The following DNAH3 variants were observed in gnomAD, a reference collection of about 807,000 sequenced individuals.
DNAH3 encodes dynein axonemal heavy chain 3.
Under a neutral mutation model 432.5 loss-of-function variants are expected in DNAH3, and 332 were observed. The ratio of observed to expected loss-of-function variants is 0.77; its 90% CI spans 0.70 to 0.84. The LOEUF (loss-of-function observed/expected upper bound fraction) is 0.84. Ranked by LOEUF, DNAH3 falls within the 40% of genes least tolerant of loss-of-function variation. The pLI is 0.00. For missense variants in DNAH3, 4,861 were observed against 5,114.0 expected, an observed-to-expected ratio of 0.95 and a Z score of 1.51; for synonymous variants, 1,956 against 1,900.2, an observed-to-expected ratio of 1.03 and a Z score of -0.76.
intron 22 of DNAH3, among the ~76,000 whole-genome samples, chr16:21,070,484 T>C (rs990879566): frequency 6.6e-6 from 1 of 152,124 alleles, no homozygotes; most frequent in Non-Finnish European, 1.5e-5. Flanking sequence ...AGTTTCACCA[T>C]GTTGGCCAGG....
intron 12 of DNAH3, among the ~76,000 whole-genome samples, chr16:21,116,210 C>T (rs2092195641): frequency 6.6e-6 from 1 of 152,034 alleles, no homozygotes; most frequent in Non-Finnish European, 1.5e-5. Flanking sequence ...ACTTTGGAAG[C>T]TATTTACAGG....
intron 23 of DNAH3, among the ~76,000 whole-genome samples, chr16:21,067,804 T>TGAGAGAGAGAGAGAGAGAGAGAGA (rs1555545880): frequency 4.0e-5 from 3 of 75,658 alleles, no homozygotes; most frequent in African/African-American, 1.0e-4. Flanking sequence ...AGAGAGAGAC[T>TGAGAGAGAGAGAGAGAGAGAGAGA]GACTAAGGCA....
At chr16:21,090,674 C>T (rs951463774) in intron 18 of DNAH3, among the ~76,000 whole-genome samples, 1 of 152,050 alleles carries the variant, frequency 6.6e-6, no homozygotes, top group Non-Finnish European at 1.5e-5. Flanking sequence ...TCACTATTTG[C>T]AGAATCTAAA....
chr16:21,052,652 G>C (rs1003864124), intron 28 of DNAH3, among the ~76,000 whole-genome samples: 1 of 152,202 alleles, frequency 6.6e-6, no homozygotes, highest in African/African-American at 2.4e-5. Context: ...AGACACAATA[G>C]AGAGAGAAAG....
At chr16:20,997,285 G>C in exon 44 of DNAH3, 1 of 1,613,792 alleles carries the variant, frequency 6.2e-7, no homozygotes, top group Non-Finnish European at 8.5e-7. Context: ...TCACATACCA[G>C]TAATGTCATT....
chr16:20,997,683 A>G (rs1478587845), intron 43 of DNAH3, among the ~76,000 whole-genome samples: 1 of 151,830 alleles, frequency 6.6e-6, no homozygotes, highest in Non-Finnish European at 1.5e-5. Flanking sequence ...ACGTGACTAT[A>G]AGGATGCATA....
At position 21,024,578 on chromosome 16, in the gene DNAH3, A is replaced by G; in HGVS notation, c.5646+18T>C. Reference sequence around the variant, plus strand: ...AGGGAGACAGCAGGAGGGGAAGGAAAGGGTCTGAGGGGCTCACCAATTCTT... The same window carrying G: ...AGGGAGACAGCAGGAGGGGAAGGAAGGGGTCTGAGGGGCTCACCAATTCTT... On this transcript the variant is annotated intron_variant, in intron 39 of 61. Transcript: ENST00000261383. 1 of 1,557,674 alleles carries G rather than the reference A, an allele frequency of 6.4e-7. No homozygotes were observed.
intron 48 of DNAH3, among the ~76,000 whole-genome samples, chr16:20,983,157 GCT>G (rs1405776746): frequency 1.3e-5 from 2 of 152,074 alleles, no homozygotes. Flanking sequence ...ACAGATTCTT[GCT>G]CTGTCACCCA....
intron 58 of DNAH3, 52 bp downstream of exon 58, chr16:20,944,444 T>C: frequency 6.2e-7 from 1 of 1,604,790 alleles, no homozygotes; most frequent in Non-Finnish European, 8.5e-7. Context: ...GCCCACTGGA[T>C]GAAGAACTGC....
chr16:21,130,439 G>A (rs1302689809), intron 7 of DNAH3, among the ~76,000 whole-genome samples: 1 of 151,868 alleles, frequency 6.6e-6, no homozygotes. Flanking sequence ...CAAGTAGCTG[G>A]GACTACAGGC....
intron 1 of DNAH3, among the ~76,000 whole-genome samples, chr16:21,156,196 TTTTA>T (rs869067017): frequency 2.1e-4 from 29 of 139,522 alleles, no homozygotes; most frequent in African/African-American, 6.8e-4. Flanking sequence ...TTTTATTTTA[TTTTA>T]TTTATTTTAT....
chr16:21,052,304 G>C (rs892983906), intron 28 of DNAH3, among the ~76,000 whole-genome samples: 3 of 152,124 alleles, frequency 2.0e-5, no homozygotes, highest in Non-Finnish European at 4.4e-5. Flanking sequence ...AACAATTTTA[G>C]ATTTCACAAG....
intron 16 of DNAH3, among the ~76,000 whole-genome samples, chr16:21,102,655 T>G (rs2091863427): frequency 6.6e-6 from 1 of 152,150 alleles, no homozygotes; most frequent in Admixed American, 6.6e-5. Flanking sequence ...CCACCCAAGT[T>G]GTAAGTTTAC....
chr16:20,985,811 T>C, intron 47 of DNAH3, 96 bp from the exon 48 acceptor site: 1 of 1,268,752 alleles, frequency 7.9e-7, no homozygotes, highest in Non-Finnish European at 1.1e-6. Context: ...ACGTGGCTTA[T>C]TTCCTCTGAG....
intron 59 of DNAH3, among the ~76,000 whole-genome samples, chr16:20,938,223 C>T (rs1829694826): frequency 6.6e-6 from 1 of 152,056 alleles, no homozygotes; most frequent in East Asian, 1.9e-4. Context: ...TAAACCCCGT[C>T]TGTACTAAAA....
At chr16:21,046,058 G>A (rs1451107530) in intron 31 of DNAH3, among the ~76,000 whole-genome samples, 4 of 151,498 alleles carry the variant, frequency 2.6e-5, no homozygotes, top group African/African-American at 7.3e-5. Flanking sequence ...TATAATTTCT[G>A]TTCTTTTACA....
rs368656049 is a variant in DNAH3 at position 21,123,393 on chromosome 16, C to T, written c.1405-1269G>A. Among the ~76,000 whole-genome samples the T allele has an allele frequency of 1.3e-4, 20 of 152,274 alleles. No homozygotes were observed. In the East Asian group the frequency reaches 3.1e-3, roughly 23 times the overall value. On this transcript the variant is annotated intron_variant, in intron 9 of 61. Coordinates refer to ENST00000261383, the Ensembl canonical transcript of DNAH3. ...GTGAATACCTACTGTATATCAAATACCTATAAATTCCCCCCTATTTTCCAG... is the reference window on the plus strand; with the variant it reads ...GTGAATACCTACTGTATATCAAATATCTATAAATTCCCCCCTATTTTCCAG...
chr16:21,121,853 T>C, intron 10 of DNAH3, 92 bp downstream of exon 11: 1 of 1,101,612 alleles, frequency 9.1e-7, no homozygotes, highest in South Asian at 1.8e-5. Flanking sequence ...TAACTGAATA[T>C]CCCAGCGACC....
intron 21 of DNAH3, among the ~76,000 whole-genome samples, chr16:21,075,051 A>G (rs2090926537): frequency 6.6e-6 from 1 of 152,210 alleles, no homozygotes; most frequent in Non-Finnish European, 1.5e-5. Context: ...CCGCATTTCA[A>G]CAAGATCTCC....
Sources: allele counts gnomAD v4.1 joint callset (sites outside exome capture counted in the v4.1 genomes callset), GRCh38; gene constraint gnomAD v4.1.1; transcripts MANE v1.5; gene names NCBI Gene and HGNC (gene_info 2026-07-23, HGNC 2026-07-21).